The following PARD3B variants were observed in gnomAD, a reference collection of about 807,000 sequenced individuals.
PARD3B encodes partitioning defective 3 homolog B.
Under a neutral mutation model 130.2 loss-of-function variants are expected in PARD3B, and 103 were observed. The ratio of observed to expected loss-of-function variants is 0.79; its 90% CI spans 0.67 to 0.93. PARD3B has a LOEUF of 0.93. Ranked by LOEUF, PARD3B falls within the 40% of genes least tolerant of loss-of-function variation. The pLI, the probability that PARD3B is intolerant of heterozygous loss-of-function variation, is 0.00. For synonymous variants in PARD3B, 583 were observed against 553.2 expected (o/e 1.05, Z -0.76); for missense variants, 1,609 against 1,499.2 (o/e 1.07, Z -1.21).
chr2:204,916,747 C>T (rs2047461643), intron 2 of PARD3B, among the ~76,000 whole-genome samples: 1 of 152,048 alleles, frequency 6.6e-6, no homozygotes, highest in Non-Finnish European at 1.5e-5. Context: ...ATGCCACATA[C>T]TCTTAATTAT....
At position 205,366,183 on chromosome 2, in the gene PARD3B, A is replaced by G. The variant is rs747713155; in HGVS notation, c.2631-34830A>G. ...ACCAATTTTTTTCTTTCCTAATTCA[A>G]CTTAGGAAACATTAAAATTAGCTTT... is the stretch of plus-strand genomic sequence containing the variant. On this transcript the variant is annotated intron_variant, in intron 18 of 22. Coordinates refer to ENST00000406610, the MANE Select transcript of PARD3B (RefSeq NM_001302769.2). The surrounding 1 kb of genome is among the most constrained non-coding windows in gnomAD (Gnocchi z 5.0). Among the ~76,000 whole-genome samples, 12 of 152,116 alleles carry G rather than the reference A, an allele frequency of 7.9e-5. No individual in the cohort carries two copies. Among genetic ancestry groups the G allele is most frequent in the Non-Finnish European group, 1.8e-4 (12 of 68,026 alleles).
chr2:204,839,568 A>G (rs1041465708), intron 2 of PARD3B, among the ~76,000 whole-genome samples: 3 of 152,056 alleles, frequency 2.0e-5, no homozygotes, highest in South Asian at 2.1e-4. Context: ...TTAACTTTCT[A>G]TTTACTCTTT....
intron 1 of PARD3B, among the ~76,000 whole-genome samples, chr2:204,622,940 A>T (rs1319354155): frequency 6.6e-6 from 1 of 152,182 alleles, no homozygotes; most frequent in African/African-American, 2.4e-5. Context: ...GTAAGTGAAT[A>T]TAGATATTTC....
chr2:204,698,816 TTTTTA>T (rs1429622373), intron 2 of PARD3B, among the ~76,000 whole-genome samples: 1 of 152,066 alleles, frequency 6.6e-6, no homozygotes, highest in Non-Finnish European at 1.5e-5. Context: ...GCGTTCCTCC[TTTTTA>T]TTTTAAGAAC....
intron 4 of PARD3B, among the ~76,000 whole-genome samples, chr2:205,061,878 C>T (rs1007490147): frequency 1.3e-5 from 2 of 151,258 alleles, no homozygotes; most frequent in Non-Finnish European, 2.9e-5. Flanking sequence ...TGGCTTTCTT[C>T]TCTTGATATG....
chr2:205,320,326 C>G (rs1453547770), intron 18 of PARD3B, among the ~76,000 whole-genome samples: 1 of 152,086 alleles, frequency 6.6e-6, no homozygotes, highest in African/African-American at 2.4e-5. Flanking sequence ...TTGAACACTA[C>G]CTTGATCACT....
Position 205,567,480 on chromosome 2 carries a change from A to ATTTTTTT in PARD3B, c.3260+14077_3260+14078insTTTTTTT. Among the ~76,000 whole-genome samples, 3 of 9,804 alleles carry ATTTTTTT rather than the reference A, an allele frequency of 3.1e-4. 1 individual carries two copies. Among genetic ancestry groups the ATTTTTTT allele is most frequent in the African/African-American group, 4.5e-4 (3 of 6,680 alleles). 6.4% of individuals were successfully genotyped at this position (9,804 alleles called of 152,430 possible). ...CAGGTGCCTGCCACCATGCCCGGTT[A>ATTTTTTT]ATTTTTTTTTTTTTTGTATTTTTAG... On this transcript the variant is annotated intron_variant, in intron 22 of 22. Transcript: ENST00000406610.
chr2:205,403,973 C>T (rs1485783939), intron 19 of PARD3B, among the ~76,000 whole-genome samples: 2 of 152,182 alleles, frequency 1.3e-5, no homozygotes, highest in African/African-American at 4.8e-5. Context: ...ATATGGGTCA[C>T]TTGCCCCCAG....
intron 18 of PARD3B, among the ~76,000 whole-genome samples, chr2:205,340,867 G>A (rs967394600): frequency 2.0e-5 from 3 of 151,892 alleles, no homozygotes; most frequent in South Asian, 2.1e-4. Flanking sequence ...ACTAATATCC[G>A]GAACACCTAA....
At chr2:205,302,602 G>A (rs2042050016) in intron 18 of PARD3B, among the ~76,000 whole-genome samples, 1 of 152,182 alleles carries the variant, frequency 6.6e-6, no homozygotes. Context: ...TGGGAAGTGG[G>A]GAAGCCCTAT....
chr2:205,020,273 A>T (rs1696496237), intron 3 of PARD3B, among the ~76,000 whole-genome samples: 1 of 152,146 alleles, frequency 6.6e-6, no homozygotes, highest in Middle Eastern at 3.2e-3. Flanking sequence ...TGGCATTTAA[A>T]GAGGTTTGCA....
Position 205,463,068 on chromosome 2 carries a change from TA to T in PARD3B, c.3044+22397del, listed in dbSNP as rs1234679958. Among the ~76,000 whole-genome samples the T allele has an allele frequency of 4.6e-5, 7 of 152,264 alleles. No homozygotes were observed. The East Asian group carries it at 1.3e-3, about 29-fold the overall frequency. On this transcript the variant is annotated intron_variant, in intron 20 of 22. Transcript: ENST00000406610. The surrounding 1 kb of genome is among the most constrained non-coding windows in gnomAD (Gnocchi z 4.8). ...AGTCATCTCAGCATCAACTGACAAT[TA>T]TTTTTTTTGCCCTCAATATCCTTCC...
chr2:205,170,847 G>T (rs1031485143), intron 11 of PARD3B, among the ~76,000 whole-genome samples: 9 of 149,324 alleles, frequency 6.0e-5, no homozygotes, highest in African/African-American at 2.2e-4. Context: ...ACAAATCCCA[G>T]ATACTTCTCA....
At chr2:205,492,464 CT>C (rs1359785806) in intron 20 of PARD3B, among the ~76,000 whole-genome samples, 1 of 151,996 alleles carries the variant, frequency 6.6e-6, no homozygotes, top group Admixed American at 6.6e-5. Flanking sequence ...AAGACATAGT[CT>C]TGTTATTTGG....
chr2:204,979,078 C>T lies in PARD3B; in HGVS notation c.394+13755C>T, dbSNP rs560428956. Reference sequence around the variant, plus strand: ...AAAATTAGCCGGGCGTGGTGGCGGGCGCCTTTAGTCCCACCTACTTGGGAG... The same window carrying T: ...AAAATTAGCCGGGCGTGGTGGCGGGTGCCTTTAGTCCCACCTACTTGGGAG... On this transcript the variant is annotated intron_variant, in intron 3 of 22. Transcript: ENST00000406610. Among the ~76,000 whole-genome samples the T allele has an allele frequency of 3.6e-4, 55 of 150,956 alleles. 1 individual carries two copies. The highest frequency in any genetic ancestry group is 9.9e-4 in the Admixed American group (15 of 15,168).
rs1179422546 is a variant in PARD3B, at chr2:205,158,620, T to C, written c.1435-102T>C. The C allele has an allele frequency of 4.1e-6, 5 of 1,208,678 alleles. No individual in the cohort carries two copies. In the East Asian group the frequency reaches 9.4e-5, roughly 23 times the overall value. 74.9% of individuals were successfully genotyped at this position (1,208,678 alleles called of 1,614,324 possible). A position where few individuals can be genotyped will look rare whatever the true frequency, so the allele number is the denominator to read the frequency against. ...CCGATTACAGCTGTGAGAGGTCCAG[T>C]CATCCTGTCCTACTGATTGCATCTG... On this transcript the variant is annotated intron_variant, in intron 10 of 22. Coordinates refer to ENST00000406610, the MANE Select transcript of PARD3B (RefSeq NM_001302769.2). The surrounding 1 kb of genome is among the most constrained non-coding windows in gnomAD (Gnocchi z 5.4).
At chr2:204,622,093 G>T (rs1277572220) in intron 1 of PARD3B, among the ~76,000 whole-genome samples, 3 of 152,180 alleles carry the variant, frequency 2.0e-5, no homozygotes, top group African/African-American at 7.2e-5. Context: ...AATAGTGACA[G>T]CCCAGACTCG....
At position 205,104,508 on chromosome 2, in the gene PARD3B, C is replaced by T. The variant is rs750794470; in HGVS notation, c.587C>T (p.Thr196Ile). 1 of 1,533,560 alleles carries T rather than the reference C, an allele frequency of 6.5e-7. No individual in the cohort carries two copies. The highest frequency in any genetic ancestry group is 1.1e-5 in the South Asian group (1 of 89,252). The allele number at this position is 1,533,560 out of a possible 1,614,324, so 95.0% of individuals were successfully genotyped here. Residue 196 changes from threonine (T) to isoleucine (I), a missense_variant, in exon 5 of 23, where the codon ACA becomes ATA. Coordinates refer to ENST00000406610, the MANE Select transcript of PARD3B (RefSeq NM_001302769.2). ...CTAACTTCGCCAAGAACTAAGGACA[C>T]ATTGAGGTATTCTCTTTATACAGAT... ...ELLTSPRTKD[T>I]LSDMTRTVEI...
Position 205,327,578 on chromosome 2 carries a change from C to G in PARD3B, c.2630+25877C>G, listed in dbSNP as rs556818855. On this transcript the variant is annotated intron_variant, in intron 18 of 22. Transcript: ENST00000406610. The stretch of plus-strand genomic sequence containing the variant: ...CATGGGCAGATAGATTCTAAACGGA[C>G]AGAACTGGTAGGATTTCACCCCAGC... Among the ~76,000 whole-genome samples, 4 of 152,282 alleles carry G rather than the reference C, an allele frequency of 2.6e-5. No individual in the cohort carries two copies. In the South Asian group the frequency reaches 8.3e-4, roughly 32 times the overall value.
Sources: allele counts gnomAD v4.1 joint callset (sites outside exome capture counted in the v4.1 genomes callset), GRCh38; gene constraint gnomAD v4.1.1; non-coding constraint Gnocchi (gnomAD v3.1); transcripts MANE v1.5; gene names NCBI Gene and HGNC (gene_info 2026-07-23, HGNC 2026-07-21).